The following CTNNA3 variants were observed in gnomAD, a reference collection of about 807,000 sequenced individuals.
CTNNA3 encodes catenin alpha-3.
A neutral mutation model predicts 95.7 loss-of-function variants in CTNNA3; 76 were observed. The ratio of observed to expected loss-of-function variants is 0.79; its 90% CI spans 0.66 to 0.96. The LOEUF is 0.96. Among genes scored for constraint, CTNNA3 ranks in the 40% least tolerant of loss-of-function variants. The pLI is 0.00. For synonymous variants in CTNNA3, 431 were observed against 374.4 expected (o/e 1.15, Z -1.74); for missense variants, 1,191 against 1,089.8 (o/e 1.09, Z -1.31).
chr10:67,160,966 G>A (rs1379501982), intron 7 of CTNNA3, among the ~76,000 whole-genome samples: 4 of 152,140 alleles, frequency 2.6e-5, no homozygotes, highest in Non-Finnish European at 5.9e-5. Context: ...CTTATATGAG[G>A]CATATGAAAT....
chr10:67,459,125 T>C (rs1460300906), intron 5 of CTNNA3, among the ~76,000 whole-genome samples: 1 of 152,336 alleles, frequency 6.6e-6, no homozygotes, highest in African/African-American at 2.4e-5. Flanking sequence ...ATATATTCCA[T>C]GTTCAATATA....
intron 12 of CTNNA3, among the ~76,000 whole-genome samples, chr10:66,367,207 A>G (rs2092716314): frequency 6.6e-6 from 1 of 152,106 alleles, no homozygotes; most frequent in Non-Finnish European, 1.5e-5. Context: ...CCATCAATCT[A>G]CACACCCCTA....
chr10:66,044,377 C>T (rs949788105), intron 15 of CTNNA3, among the ~76,000 whole-genome samples: 2 of 151,524 alleles, frequency 1.3e-5, no homozygotes, highest in Non-Finnish European at 1.5e-5. Context: ...CAAACAAATG[C>T]TTATATTTAT....
At chr10:66,607,216 C>T (rs79785020) in intron 10 of CTNNA3, among the ~76,000 whole-genome samples, 10,184 of 151,894 alleles carry the variant, frequency 0.067, 513 homozygotes, top group East Asian at 0.23. Flanking sequence ...GACACCCTGC[C>T]AAGACAGAGC....
intron 12 of CTNNA3, among the ~76,000 whole-genome samples, chr10:66,295,551 T>G (rs149115839): frequency 1.1e-4 from 16 of 152,228 alleles, no homozygotes; most frequent in Non-Finnish European, 2.4e-4. Flanking sequence ...CCTTCAGAGA[T>G]TACTTGCAAT....
rs182964155 is a variant in CTNNA3, at chr10:66,935,326, T to C, written c.1048-159802A>G. 7.4e-4 allele frequency among the ~76,000 whole-genome samples: 112 copies of C among 152,226 alleles called. 1 individual carries two copies. Among genetic ancestry groups the C allele is most frequent in the African/African-American group, 2.6e-3 (110 of 41,576 alleles). On this transcript the variant is annotated intron_variant, in intron 7 of 17. Coordinates refer to ENST00000433211, the MANE Select transcript of CTNNA3 (RefSeq NM_013266.4). ...TAAGGTACAACAGTGAAAATAGTTA[T>C]AACGGTGAAAACTCTAGGAAGTTTA...
chr10:66,482,896 G>A (rs1373181134), intron 11 of CTNNA3, among the ~76,000 whole-genome samples: 1 of 152,136 alleles, frequency 6.6e-6, no homozygotes, highest in Non-Finnish European at 1.5e-5. Flanking sequence ...GAATTAAGGA[G>A]GAGGGCCTGG....
At chr10:65,995,281 T>G (rs1329190703) in intron 15 of CTNNA3, among the ~76,000 whole-genome samples, 1 of 152,222 alleles carries the variant, frequency 6.6e-6, no homozygotes, top group Non-Finnish European at 1.5e-5. Flanking sequence ...GTAAGTCACT[T>G]CTTTATTTTT....
chr10:67,223,544 T>C (rs1275872310), intron 5 of CTNNA3, among the ~76,000 whole-genome samples: 2 of 152,208 alleles, frequency 1.3e-5, no homozygotes, highest in Non-Finnish European at 2.9e-5. Context: ...ATTAAATGTT[T>C]CCAGCTGACG....
At chr10:67,694,662 T>C (rs944358605) in intron 1 of CTNNA3, among the ~76,000 whole-genome samples, 7 of 151,910 alleles carry the variant, frequency 4.6e-5, no homozygotes, top group African/African-American at 1.7e-4. Context: ...GAATAGGTAA[T>C]ATTCTGTGGA....
chr10:67,597,031 T>C (rs1842953007), intron 3 of CTNNA3, among the ~76,000 whole-genome samples: 1 of 152,248 alleles, frequency 6.6e-6, no homozygotes, highest in Non-Finnish European at 1.5e-5. Context: ...CTGAGATTCC[T>C]TCCTCAGCTT....
At chr10:66,438,748 A>G (rs7909006) in intron 11 of CTNNA3, among the ~76,000 whole-genome samples, 58,111 of 151,908 alleles carry the variant, frequency 0.38, 11,681 homozygotes, top group African/African-American at 0.5. Context: ...GTATGAAAAA[A>G]ACTCCTGCAG....
intron 5 of CTNNA3, among the ~76,000 whole-genome samples, chr10:67,426,755 T>C (rs1262671922): frequency 1.3e-5 from 2 of 151,300 alleles, no homozygotes; most frequent in African/African-American, 2.4e-5. Context: ...TGTATACCTA[T>C]GTAACAAACC....
chr10:67,663,401 A>G (rs1049378602), intron 1 of CTNNA3, among the ~76,000 whole-genome samples: 1 of 151,644 alleles, frequency 6.6e-6, no homozygotes, highest in Non-Finnish European at 1.5e-5. Flanking sequence ...AAGCAATTGA[A>G]TTGTTTTGTA....
intron 12 of CTNNA3, among the ~76,000 whole-genome samples, chr10:66,310,406 C>T (rs2092001251): frequency 6.6e-6 from 1 of 152,096 alleles, no homozygotes; most frequent in East Asian, 1.9e-4. Context: ...GTTCAGTACC[C>T]CACGATCCAT....
At chr10:67,705,125 A>G (rs1841069762) in intron 1 of CTNNA3, among the ~76,000 whole-genome samples, 1 of 152,016 alleles carries the variant, frequency 6.6e-6, no homozygotes, top group Non-Finnish European at 1.5e-5. Context: ...AAGTCAGGAA[A>G]CAACAGGTGC....
rs60090636 is a variant in CTNNA3, at chr10:66,042,899, C to CAAAAAAAAAAAAAAAAAAAAAAAAAAAA, written c.2159+26381_2159+26408dup. On this transcript the variant is annotated intron_variant, in intron 15 of 17. Coordinates refer to ENST00000433211, the MANE Select transcript of CTNNA3 (RefSeq NM_013266.4). ...TGGGTGACTGAGCGAGACTCTGTCT[C>CAAAAAAAAAAAAAAAAAAAAAAAAAAAA]AAAAAAAAAAAAAAAAAAAAAAAAA... 5.9e-4 allele frequency among the ~76,000 whole-genome samples: 30 copies of CAAAAAAAAAAAAAAAAAAAAAAAAAAAA among 50,424 alleles called. 1 individual carries two copies. The highest frequency in any genetic ancestry group is 9.5e-4 in the African/African-American group (11 of 11,522). 33.1% of individuals were successfully genotyped at this position (50,424 alleles called of 152,430 possible). A position where few individuals can be genotyped will look rare whatever the true frequency, so the allele number is the denominator to read the frequency against.
chr10:67,064,093 T>A (rs1855921291), intron 7 of CTNNA3, among the ~76,000 whole-genome samples: 1 of 152,228 alleles, frequency 6.6e-6, no homozygotes, highest in Non-Finnish European at 1.5e-5. Flanking sequence ...TTATTTCTAG[T>A]TAGCCCTTGA....
chr10:67,108,269 GATAC>G (rs1248931840), intron 7 of CTNNA3, among the ~76,000 whole-genome samples: 3 of 152,054 alleles, frequency 2.0e-5, no homozygotes, highest in Non-Finnish European at 4.4e-5. Context: ...TCTGAAACAT[GATAC>G]ATAAGAAGCT....
Sources: allele counts gnomAD v4.1 joint callset (sites outside exome capture counted in the v4.1 genomes callset), GRCh38; gene constraint gnomAD v4.1.1; transcripts MANE v1.5; gene names NCBI Gene and HGNC (gene_info 2026-07-23, HGNC 2026-07-21).